PKNOX2: variants seen among roughly 807,000 people sequenced by gnomAD.
PKNOX2 encodes homeobox protein PKNOX2.
A neutral mutation model predicts 53.1 loss-of-function variants in PKNOX2; 14 were observed. The ratio of observed to expected loss-of-function variants is 0.26; its 90% CI spans 0.17 to 0.41. The LOEUF (loss-of-function observed/expected upper bound fraction) is 0.41. PKNOX2 is among the 10% of genes least tolerant of loss of function. PKNOX2 has a pLI of 1.00. For synonymous variants in PKNOX2, 257 were observed against 242.8 expected (o/e 1.06, Z -0.54); for missense variants, 496 against 602.8 (o/e 0.82, Z 1.85).
chr11:125,402,080 G>T (rs1009549800), intron 7 of PKNOX2, among the ~76,000 whole-genome samples: 2 of 152,166 alleles, frequency 1.3e-5, no homozygotes, highest in Admixed American at 1.3e-4. Flanking sequence ...CAGATCGATG[G>T]GTTGAGCGTT....
rs909523781 is a variant in PKNOX2, at chr11:125,310,494, C to CA, written c.-129-21314dup. On this transcript the variant is annotated intron_variant, in intron 2 of 12. Coordinates refer to ENST00000298282, the MANE Select transcript of PKNOX2 (RefSeq NM_001382323.2). ...TGTGAGATAGAGTGAGACTCTGTCT[C>CA]AAAAAAAAAAATAATAAAAATAATA... is the stretch of plus-strand genomic sequence containing the variant. Among the ~76,000 whole-genome samples, 123 of 140,642 alleles carry CA rather than the reference C, an allele frequency of 8.7e-4. 2 individuals are homozygous for CA. The highest frequency in any genetic ancestry group is 2.9e-3 in the Admixed American group (41 of 13,982). 92.3% of individuals were successfully genotyped at this position (140,642 alleles called of 152,430 possible). A position where few individuals can be genotyped will look rare whatever the true frequency, so the allele number is the denominator to read the frequency against.
rs1269551424 is a variant in PKNOX2, at chr11:125,411,833, A to C, written c.904A>C (p.Ile302Leu). The C allele has an allele frequency of 1.4e-5, 23 of 1,613,924 alleles. No individual in the cohort carries two copies. Among genetic ancestry groups the C allele is most frequent in the African/African-American group, 1.3e-5 (1 of 74,892 alleles). The change falls in exon 10 of 13, where the codon ATA (isoleucine) becomes CTA (leucine). Residue 302 changes from isoleucine (I) to leucine (L), a missense_variant. Ile to Leu is a conservative substitution (Grantham distance 5). Coordinates refer to ENST00000298282, the MANE Select transcript of PKNOX2 (RefSeq NM_001382323.2). ...AGTCTTGCCCAAGCATGCCACCAAT[A>C]TAATGCGTTCTTGGCTCTTCCAGCA... is the stretch of plus-strand genomic sequence containing the variant. Reference protein sequence around the residue: ...RGVLPKHATNIMRSWLFQHLM... With the variant: ...RGVLPKHATNLMRSWLFQHLM...
At chr11:125,177,815 A>G (rs1171652550) in intron 1 of PKNOX2, among the ~76,000 whole-genome samples, 1 of 152,158 alleles carries the variant, frequency 6.6e-6, no homozygotes, top group East Asian at 1.9e-4. Flanking sequence ...TGGCTGGGAC[A>G]GCAATGTCAG....
chr11:125,317,901 C>A (rs73621048), intron 2 of PKNOX2, among the ~76,000 whole-genome samples: 3,344 of 152,264 alleles, frequency 0.022, 111 homozygotes, highest in African/African-American at 0.064. Flanking sequence ...ATGGCATATT[C>A]TTTCAACATA....
chr11:125,264,857 C>G (rs887740128), intron 2 of PKNOX2, among the ~76,000 whole-genome samples: 9 of 152,270 alleles, frequency 5.9e-5, no homozygotes, highest in African/African-American at 2.2e-4. Context: ...GGGTTCCCAT[C>G]CTCCCCTGGC....
intron 7 of PKNOX2, among the ~76,000 whole-genome samples, chr11:125,408,095 G>A (rs1428061358): frequency 1.3e-5 from 2 of 152,198 alleles, no homozygotes; most frequent in East Asian, 1.9e-4. Flanking sequence ...GCCCAGAACC[G>A]GTGTAGGGGG....
chr11:125,334,445 A>G (rs548058239), intron 3 of PKNOX2, among the ~76,000 whole-genome samples: 34 of 152,292 alleles, frequency 2.2e-4, no homozygotes, highest in African/African-American at 7.5e-4. Context: ...TCCTCTTCTC[A>G]GTTGGTGAAC....
At chr11:125,360,474 T>G (rs1951865134) in intron 4 of PKNOX2, among the ~76,000 whole-genome samples, 1 of 152,204 alleles carries the variant, frequency 6.6e-6, no homozygotes, top group South Asian at 2.1e-4. Flanking sequence ...ATAGCTCCAT[T>G]TTTACCTCAT....
chr11:125,427,296 G>A (rs1956479333), intron 10 of PKNOX2, among the ~76,000 whole-genome samples: 1 of 152,182 alleles, frequency 6.6e-6, no homozygotes, highest in African/African-American at 2.4e-5. Flanking sequence ...CTACTTTCTT[G>A]TTAGAATCTT....
chr11:125,226,701 A>G (rs958829810), intron 1 of PKNOX2, among the ~76,000 whole-genome samples: 1 of 150,712 alleles, frequency 6.6e-6, no homozygotes, highest in Non-Finnish European at 1.5e-5. Flanking sequence ...CCTAGATGGT[A>G]CAACTAGGAG....
intron 2 of PKNOX2, among the ~76,000 whole-genome samples, chr11:125,281,082 A>G (rs1476563530): frequency 6.6e-6 from 1 of 152,174 alleles, no homozygotes; most frequent in Non-Finnish European, 1.5e-5. Context: ...TTTGCTGGGC[A>G]GGGCTGACAG....
Position 125,431,235 on chromosome 11 carries a change from T to C in PKNOX2, c.1262T>C (p.Met421Thr). ...DSATMAMQQA[M>T]MAAHDDSLDG... Reference sequence around the variant, plus strand: ...GCCACCATGGCCATGCAGCAGGCTATGATGGCTGCACACGATGACTCATTG... The same window carrying C: ...GCCACCATGGCCATGCAGCAGGCTACGATGGCTGCACACGATGACTCATTG... The change falls in exon 13 of 13, where the codon ATG becomes ACG. Residue 421 changes from methionine to threonine, a missense_variant. By Grantham distance (81) the Met-to-Thr change is moderately conservative (BLOSUM62 -1). Transcript: ENST00000298282. 1.2e-6 allele frequency: 2 copies of C among 1,613,816 alleles called. No individual in the cohort carries two copies. The highest frequency in any genetic ancestry group is 8.5e-7 in the Non-Finnish European group (1 of 1,179,886).
intron 5 of PKNOX2, among the ~76,000 whole-genome samples, chr11:125,382,307 A>G (rs1953296842): frequency 6.6e-6 from 1 of 152,240 alleles, no homozygotes; most frequent in Non-Finnish European, 1.5e-5. Context: ...CTTGGTGCAC[A>G]CACATGCATA....
At chr11:125,176,961 T>A (rs1955756667) in intron 1 of PKNOX2, among the ~76,000 whole-genome samples, 1 of 152,238 alleles carries the variant, frequency 6.6e-6, no homozygotes, top group Non-Finnish European at 1.5e-5. Flanking sequence ...TTCCGCATTC[T>A]TCCTACAGCC....
chr11:125,411,502 C>G, intron 9 of PKNOX2: 1 of 467,138 alleles, frequency 2.1e-6, no homozygotes, highest in South Asian at 2.0e-5. Flanking sequence ...CTCTCTCTCT[C>G]TCTCTCTCCC....
At chr11:125,405,110 G>C (rs531483779) in intron 7 of PKNOX2, among the ~76,000 whole-genome samples, 1 of 152,162 alleles carries the variant, frequency 6.6e-6, no homozygotes, top group Non-Finnish European at 1.5e-5. Flanking sequence ...ACCCCACTCC[G>C]GCCACCGACT....
At chr11:125,214,284 T>G (rs2135463796) in intron 1 of PKNOX2, among the ~76,000 whole-genome samples, 1 of 152,050 alleles carries the variant, frequency 6.6e-6, no homozygotes, top group South Asian at 2.1e-4. Context: ...AACCTGAAAT[T>G]CTACCATTCC....
At chr11:125,200,420 T>C (rs1172379960) in intron 1 of PKNOX2, among the ~76,000 whole-genome samples, 4 of 152,222 alleles carry the variant, frequency 2.6e-5, no homozygotes, top group African/African-American at 9.6e-5. Context: ...GCACTGGCTT[T>C]GACTTTGACC....
In PKNOX2 at chr11:125,222,674, A is replaced by G. The variant is rs1432683533; in HGVS notation, c.-200-12371A>G. 5.1e-5 allele frequency among the ~76,000 whole-genome samples: 6 copies of G among 117,000 alleles called. No homozygotes were observed. In the East Asian group the frequency reaches 1.2e-3, roughly 24 times the overall value. 76.8% of individuals were successfully genotyped at this position (117,000 alleles called of 152,430 possible). On this transcript the variant is annotated intron_variant, in intron 1 of 12. Transcript: ENST00000298282. ...GTGTGTGCTGTGTATGTGTGTGTGT[A>G]TGTGTGTGCGTATGTGTGTGTATGT...
Sources: gnomAD v4.1 joint callset for allele counts (sites outside exome capture counted in the v4.1 genomes callset) on GRCh38, gnomAD v4.1.1 for gene constraint, MANE v1.5 for transcripts, NCBI Gene and HGNC (gene_info 2026-07-23, HGNC 2026-07-21) for gene names.